The following TENM4 variants were observed in gnomAD, a reference collection of about 807,000 sequenced individuals.
TENM4 encodes the protein teneurin-4.
In TENM4, 82 loss-of-function variants were observed where a neutral mutation model predicts 243.3. That is an observed-to-expected ratio of 0.34 (90% CI 0.28 to 0.40). The LOEUF (loss-of-function observed/expected upper bound fraction) is 0.40, where lower values mean the gene tolerates loss of function less well. Among genes scored for constraint, TENM4 ranks in the 10% least tolerant of loss-of-function variants. TENM4 has a pLI of 1.00. For missense variants in TENM4, 3,138 were observed against 3,673.3 expected (o/e 0.85, Z 3.77); for synonymous variants, 1,412 against 1,456.3 (o/e 0.97, Z 0.69).
At chr11:78,732,225 TG>T in intron 21 of TENM4, 90 bp downstream of exon 21, 1 of 1,492,382 alleles carries the variant, frequency 6.7e-7, no homozygotes. Flanking sequence ...CCTACAGAGG[TG>T]TTTTTTCTCT....
chr11:79,373,337 GAT>G (rs1194415978), intron 1 of TENM4, among the ~76,000 whole-genome samples: 16 of 150,710 alleles, frequency 1.1e-4, no homozygotes, highest in East Asian at 4.2e-4. Context: ...TGGCTGGATG[GAT>G]GGATGGATGG....
At chr11:78,974,910 C>A (rs1246861591) in intron 6 of TENM4, among the ~76,000 whole-genome samples, 2 of 151,710 alleles carry the variant, frequency 1.3e-5, no homozygotes, top group East Asian at 3.9e-4. Context: ...GTCTCGAACT[C>A]CTGACCTTAT....
In TENM4 at chr11:78,887,918, C is replaced by T. The variant is rs144627204; in HGVS notation, c.1084+1867G>A. Among the ~76,000 whole-genome samples, 449 of 152,304 alleles carry T rather than the reference C, an allele frequency of 2.9e-3. 1 individual carries two copies. Among genetic ancestry groups the T allele is most frequent in the Non-Finnish European group, 4.8e-3 (326 of 68,030 alleles). On this transcript the variant is annotated intron_variant, in intron 9 of 33. Coordinates refer to ENST00000278550, the MANE Select transcript of TENM4 (RefSeq NM_001098816.3). Reference sequence around the variant, plus strand: ...TAGCAGCAAACTACTCAAATTATGACTTATGACTGCCTGTCCAGAAGTCTA... The same window carrying T: ...TAGCAGCAAACTACTCAAATTATGATTTATGACTGCCTGTCCAGAAGTCTA...
Position 78,951,624 on chromosome 11 carries a change from T to C in TENM4, c.494-48101A>G, listed in dbSNP as rs999117005. 4.5e-4 allele frequency among the ~76,000 whole-genome samples: 69 copies of C among 152,338 alleles called. 2 individuals carry two copies. The highest frequency in any genetic ancestry group is 4.4e-3 in the Admixed American group (68 of 15,308). ...TGGTGAGGGCTCTCTTCGTGGCTTG[T>C]AGATGGTCACTTTCTTGCTGTGTCT... On this transcript the variant is annotated intron_variant, in intron 6 of 33. Transcript: ENST00000278550.
At chr11:78,712,802 G>GAATCCA in intron 25 of TENM4, 88 bp from the exon 26 acceptor site, 1 of 1,244,020 alleles carries the variant, frequency 8.0e-7, no homozygotes, top group Non-Finnish European at 1.1e-6. Context: ...TGGCCCTTTA[G>GAATCCA]AATCCAAGCA....
At chr11:79,241,478 A>C (rs1043541095) in intron 2 of TENM4, among the ~76,000 whole-genome samples, 1 of 152,172 alleles carries the variant, frequency 6.6e-6, no homozygotes, top group South Asian at 2.1e-4. Context: ...CGATGAGACC[A>C]TCAGGCTCAC....
intron 16 of TENM4, among the ~76,000 whole-genome samples, chr11:78,785,453 G>A (rs111784206): frequency 9.2e-5 from 14 of 152,170 alleles, no homozygotes; most frequent in African/African-American, 3.4e-4. Flanking sequence ...GGACTTTATC[G>A]TGCAAGGGCT....
At chr11:79,434,531 T>C (rs572986282) in intron 1 of TENM4, among the ~76,000 whole-genome samples, 2 of 152,284 alleles carry the variant, frequency 1.3e-5, no homozygotes, top group East Asian at 3.9e-4. Flanking sequence ...TTCAACTCCA[T>C]TGCTGGCTGA....
intron 6 of TENM4, among the ~76,000 whole-genome samples, chr11:79,064,413 G>A (rs1006041879): frequency 1.3e-5 from 2 of 152,152 alleles, no homozygotes; most frequent in African/African-American, 4.8e-5. Flanking sequence ...CTGATTTGAT[G>A]GAGGATAAAC....
At position 78,657,280 on chromosome 11, in the gene TENM4, T is replaced by C; in HGVS notation, c.*778A>G. The C allele has an allele frequency of 2.5e-6, 1 of 398,382 alleles. No individual in the cohort carries two copies. Among genetic ancestry groups the C allele is most frequent in the East Asian group, 3.6e-5 (1 of 28,060 alleles). The allele number at this position is 398,382 out of a possible 1,614,324, so 24.7% of individuals were successfully genotyped here. A position where few individuals can be genotyped will look rare whatever the true frequency, so the allele number is the denominator to read the frequency against. On this transcript the variant is annotated 3_prime_UTR_variant, in exon 34 of 34. Coordinates refer to ENST00000278550, the MANE Select transcript of TENM4 (RefSeq NM_001098816.3). The stretch of plus-strand genomic sequence containing the variant: ...ATGGGACTCTGAGCCCAGGATGTTA[T>C]GTCACTGGTCTGGGGGAAAGGACCT...
rs78695855 is a variant in TENM4, at chr11:78,770,098, G to A, written c.2539+894C>T. 3.3e-5 allele frequency among the ~76,000 whole-genome samples: 5 copies of A among 152,290 alleles called. No homozygotes were observed. In the South Asian group the frequency reaches 8.3e-4, roughly 25 times the overall value. Reference sequence around the variant, plus strand: ...TGTTAGGCCATCACTAGGAAGAAAGGGTTAACTGTTTTGATGTTTTTTCAT... The same window carrying A: ...TGTTAGGCCATCACTAGGAAGAAAGAGTTAACTGTTTTGATGTTTTTTCAT... On this transcript the variant is annotated intron_variant, in intron 18 of 33. Transcript: ENST00000278550.
chr11:79,113,393 G>GTA (rs1491486906), intron 4 of TENM4, among the ~76,000 whole-genome samples: 1 of 77,088 alleles, frequency 1.3e-5, no homozygotes, highest in African/African-American at 1.6e-4. Context: ...TATTGGATTG[G>GTA]TGTGTGTGTG....
At chr11:78,764,530 A>G (rs1856500479) in intron 18 of TENM4, among the ~76,000 whole-genome samples, 1 of 152,192 alleles carries the variant, frequency 6.6e-6, no homozygotes, top group Non-Finnish European at 1.5e-5. Flanking sequence ...AAATGCATGC[A>G]TTTTTTTATG....
intron 4 of TENM4, among the ~76,000 whole-genome samples, chr11:79,129,331 CA>C (rs2137155701): frequency 1.3e-5 from 2 of 152,276 alleles, no homozygotes; most frequent in South Asian, 4.1e-4. Flanking sequence ...AGGAAATCTC[CA>C]GCTGAACTCT....
At chr11:78,989,152 A>G (rs1422921297) in intron 6 of TENM4, among the ~76,000 whole-genome samples, 2 of 152,364 alleles carry the variant, frequency 1.3e-5, no homozygotes, top group Non-Finnish European at 1.5e-5. Flanking sequence ...AGTTAGTCCT[A>G]TTGAAGGCCA....
chr11:78,926,033 T>C (rs1012760633), intron 6 of TENM4, among the ~76,000 whole-genome samples: 2 of 151,982 alleles, frequency 1.3e-5, no homozygotes, highest in Non-Finnish European at 2.9e-5. Context: ...CAAAAATGAT[T>C]ATAATATTAT....
chr11:78,814,861 G>C (rs1342947599), intron 12 of TENM4, among the ~76,000 whole-genome samples: 1 of 152,126 alleles, frequency 6.6e-6, no homozygotes, highest in Admixed American at 6.5e-5. Context: ...TCCCACCTCT[G>C]GCTTTTCATA....
In TENM4 at chr11:78,658,498, G is replaced by A; in HGVS notation, c.7870C>T (p.Pro2624Ser). ...AGGATGGCCAGGTCACCTTCTGAAG[G>A]TCCTGGTTTCACAAAGTAATGGGTA... ...VDTHYFVKPG[P>S]SEGDLAILGL... is the part of the protein sequence containing the mutation. The change falls in exon 34 of 34, where the codon CCT becomes TCT. Residue 2624 changes from proline (P) to serine (S), a missense_variant. Around this residue, in one of 2 missense-constraint regions of TENM4, gnomAD observed 2,467 missense variants for 3,059.1 expected, o/e 0.81. Coordinates refer to ENST00000278550, the MANE Select transcript of TENM4 (RefSeq NM_001098816.3). The A allele has an allele frequency of 6.2e-7, 1 of 1,614,038 alleles. No individual in the cohort carries two copies. The highest frequency in any genetic ancestry group is 8.5e-7 in the Non-Finnish European group (1 of 1,179,888).
chr11:78,951,669 T>G (rs1381925115), intron 6 of TENM4, among the ~76,000 whole-genome samples: 1 of 152,178 alleles, frequency 6.6e-6, no homozygotes, highest in African/African-American at 2.4e-5. Context: ...GAGAGAGAGC[T>G]CTTTGGGGTC....
Sources: gnomAD v4.1 joint callset for allele counts (sites outside exome capture counted in the v4.1 genomes callset) on GRCh38, gnomAD v4.1.1 for gene constraint, gnomAD v4.1.1 regional missense constraint, MANE v1.5 for transcripts, NCBI Gene and HGNC (gene_info 2026-07-23, HGNC 2026-07-21) for gene names.